PPM1E: variants seen among roughly 807,000 people sequenced by gnomAD.
PPM1E encodes protein phosphatase, Mg2+/Mn2+ dependent 1E.
A neutral mutation model predicts 65.9 loss-of-function variants in PPM1E; 20 were observed. That is an observed-to-expected ratio of 0.30 (90% CI 0.21 to 0.44). The LOEUF (loss-of-function observed/expected upper bound fraction) is 0.44, where lower values mean the gene tolerates loss of function less well. PPM1E is among the 20% of genes least tolerant of loss of function. The probability of loss-of-function intolerance (pLI) is 1.00; values close to 1 mark genes in which losing one functional copy is unlikely to be tolerated. For missense variants in PPM1E, 713 were observed against 953.1 expected (o/e 0.75, Z 3.32); for synonymous variants, 352 against 374.9 (o/e 0.94, Z 0.70).
intron 1 of PPM1E, among the ~76,000 whole-genome samples, chr17:58,806,698 C>CTTT (rs57960498): frequency 5.2e-5 from 7 of 135,012 alleles, no homozygotes; most frequent in Non-Finnish European, 8.0e-5. Context: ...GTTTTGTTTT[C>CTTT]TTTTTTTTTT....
At chr17:58,827,948 G>A (rs1260433912) in intron 1 of PPM1E, among the ~76,000 whole-genome samples, 1 of 151,008 alleles carries the variant, frequency 6.6e-6, no homozygotes, top group African/African-American at 2.4e-5. Context: ...GCCAGGCAAG[G>A]TGGCTCACGC....
At chr17:58,854,151 ATTC>A (rs1253569149) in intron 1 of PPM1E, among the ~76,000 whole-genome samples, 1 of 152,034 alleles carries the variant, frequency 6.6e-6, no homozygotes, top group Non-Finnish European at 1.5e-5. Flanking sequence ...TAAGTATTTT[ATTC>A]TTTTTGGTGC....
At position 58,807,765 on chromosome 17, in the gene PPM1E, C is replaced by T. The variant is rs553981616; in HGVS notation, c.464+51304C>T. On this transcript the variant is annotated intron_variant, in intron 1 of 6. Transcript: ENST00000308249. ...ATGGACATTTCACAAAGAGAAAACA[C>T]GAATAGGCAAGAAACATTTTAAAAG... Among the ~76,000 whole-genome samples the T allele has an allele frequency of 2.0e-5, 3 of 152,074 alleles. No homozygotes were observed. The East Asian group carries it at 5.8e-4, about 29-fold the overall frequency.
chr17:58,970,707 A>AG (rs1235085690), intron 4 of PPM1E, among the ~76,000 whole-genome samples: 1 of 152,152 alleles, frequency 6.6e-6, no homozygotes, highest in Admixed American at 6.5e-5. Flanking sequence ...CAAATCCAAC[A>AG]GTAACCAGTA....
chr17:58,778,431 G>A (rs572581539), intron 1 of PPM1E, among the ~76,000 whole-genome samples: 4 of 140,282 alleles, frequency 2.9e-5, no homozygotes, highest in Non-Finnish European at 6.1e-5. Context: ...TTTTTGAGAC[G>A]GAGTCTTGCT....
At chr17:58,946,330 T>A (rs1189706234) in intron 1 of PPM1E, among the ~76,000 whole-genome samples, 2 of 152,210 alleles carry the variant, frequency 1.3e-5, no homozygotes, top group Admixed American at 1.3e-4. Context: ...ATGTTGCACA[T>A]CTTTTCATGT....
intron 1 of PPM1E, among the ~76,000 whole-genome samples, chr17:58,838,872 C>A (rs908182074): frequency 2.0e-5 from 3 of 152,010 alleles, no homozygotes; most frequent in Non-Finnish European, 2.9e-5. Flanking sequence ...AGATATTAAA[C>A]CAGGAAAAGA....
chr17:58,932,698 ATAT>A lies in PPM1E; in HGVS notation c.465-22943_465-22941del, dbSNP rs1469007447. ...ACTGGTTTATATGAGCATATGAAAA[ATAT>A]TATTATTGAATGGCATGCCACGATG... is the stretch of plus-strand genomic sequence containing the variant. On this transcript the variant is annotated intron_variant, in intron 1 of 6. Transcript: ENST00000308249. Among the ~76,000 whole-genome samples the A allele has an allele frequency of 8.5e-5, 13 of 152,330 alleles. No homozygotes were observed. The South Asian group carries it at 2.7e-3, about 32-fold the overall frequency.
rs570389357 is a variant in PPM1E, at chr17:58,852,563, A to T, written c.464+96102A>T. The stretch of plus-strand genomic sequence containing the variant: ...TTAGTGATACTGAACTTTTTTTTTT[A>T]AATGTGCTTTATGACCATTTATGTA... On this transcript the variant is annotated intron_variant, in intron 1 of 6. Transcript: ENST00000308249. Among the ~76,000 whole-genome samples, 165 of 150,520 alleles carry T rather than the reference A, an allele frequency of 1.1e-3. 1 individual carries two copies. Among genetic ancestry groups the T allele is most frequent in the African/African-American group, 3.7e-3 (153 of 41,054 alleles).
intron 1 of PPM1E, among the ~76,000 whole-genome samples, chr17:58,840,008 T>C (rs1427572601): frequency 6.6e-6 from 1 of 152,206 alleles, no homozygotes; most frequent in Non-Finnish European, 1.5e-5. Context: ...CTCACAGAAC[T>C]CACTGAAAGC....
intron 1 of PPM1E, among the ~76,000 whole-genome samples, chr17:58,788,113 C>A (rs114659055): frequency 0.017 from 2,573 of 151,942 alleles, 57 homozygotes; most frequent in African/African-American, 0.059. Flanking sequence ...TGCAGTAGCC[C>A]GATCTCAGCT....
intron 1 of PPM1E, among the ~76,000 whole-genome samples, chr17:58,762,644 T>C (rs1024570475): frequency 4.1e-4 from 63 of 152,180 alleles, no homozygotes; most frequent in African/African-American, 1.4e-3. Context: ...ACGCCTGTAA[T>C]CCCAGCACTT....
At chr17:58,798,469 C>T (rs1467781886) in intron 1 of PPM1E, among the ~76,000 whole-genome samples, 4 of 150,808 alleles carry the variant, frequency 2.7e-5, no homozygotes, top group South Asian at 2.1e-4. Flanking sequence ...GTGATCCACC[C>T]GCCTTAGCCT....
At chr17:58,788,476 C>T (rs776907528) in intron 1 of PPM1E, among the ~76,000 whole-genome samples, 2 of 152,166 alleles carry the variant, frequency 1.3e-5, no homozygotes, top group Non-Finnish European at 2.9e-5. Flanking sequence ...GTTTCACATA[C>T]TATTGTGAGG....
At chr17:58,795,203 TTATGG>T (rs2050194832) in intron 1 of PPM1E, among the ~76,000 whole-genome samples, 1 of 152,102 alleles carries the variant, frequency 6.6e-6, no homozygotes, top group South Asian at 2.1e-4. Context: ...ACATGTGTCT[TTATGG>T]TAGAATGTTT....
chr17:58,783,910 C>T (rs2050072827), intron 1 of PPM1E, among the ~76,000 whole-genome samples: 1 of 151,398 alleles, frequency 6.6e-6, no homozygotes, highest in Admixed American at 6.6e-5. Context: ...AGGGTTTCGA[C>T]ATGCTGGCCA....
chr17:58,940,869 C>T (rs1035627030), intron 1 of PPM1E, among the ~76,000 whole-genome samples: 10 of 152,244 alleles, frequency 6.6e-5, no homozygotes, highest in Admixed American at 3.9e-4. Context: ...TGCCACCATG[C>T]GTGGCTAATT....
chr17:58,828,490 G>A (rs2050565043), intron 1 of PPM1E, among the ~76,000 whole-genome samples: 2 of 151,872 alleles, frequency 1.3e-5, no homozygotes, highest in African/African-American at 4.8e-5. Context: ...TTAAGATGGA[G>A]TTTCACTCTT....
At position 58,891,832 on chromosome 17, in the gene PPM1E, C is replaced by CTTTTTTTTTTTTTTTT. The variant is rs5821250; in HGVS notation, c.465-63811_465-63796dup. Among the ~76,000 whole-genome samples the CTTTTTTTTTTTTTTTT allele has an allele frequency of 4.6e-3, 395 of 85,444 alleles. 3 individuals carry two copies. Among genetic ancestry groups the CTTTTTTTTTTTTTTTT allele is most frequent in the Non-Finnish European group, 5.2e-3 (243 of 46,698 alleles). 56.1% of individuals were successfully genotyped at this position (85,444 alleles called of 152,430 possible). A position where few individuals can be genotyped will look rare whatever the true frequency, so the allele number is the denominator to read the frequency against. ...TTATGTTTTACATTTTTTTCTTTTT[C>CTTTTTTTTTTTTTTTT]TTTTTTTTTTTTTTTTTTTTTGAGA... On this transcript the variant is annotated intron_variant, in intron 1 of 6. Transcript: ENST00000308249.
Sources: allele counts gnomAD v4.1 joint callset (sites outside exome capture counted in the v4.1 genomes callset), GRCh38; gene constraint gnomAD v4.1.1; transcripts MANE v1.5; gene names NCBI Gene and HGNC (gene_info 2026-07-23, HGNC 2026-07-21).